The following AGO3 variants were observed in gnomAD, a reference collection of about 807,000 sequenced individuals.
The protein encoded by AGO3 is protein argonaute-3.
Under a neutral mutation model 105.5 loss-of-function variants are expected in AGO3, and 16 were observed. The ratio of observed to expected loss-of-function variants is 0.15; its 90% CI spans 0.10 to 0.23. AGO3 has a LOEUF of 0.23. AGO3 is among the 10% of genes least tolerant of loss of function. The pLI is 1.00. For missense variants in AGO3, 534 were observed against 1,088.0 expected (o/e 0.49, Z 7.16); for synonymous variants, 340 against 367.3 (o/e 0.93, Z 0.85).
In AGO3 at chr1:36,008,595, C is replaced by A; in HGVS notation, c.794-95C>A. The A allele has an allele frequency of 8.4e-7, 1 of 1,193,050 alleles. No homozygotes were observed. The highest frequency in any genetic ancestry group is 1.2e-6 in the Non-Finnish European group (1 of 842,106). 73.9% of individuals were successfully genotyped at this position (1,193,050 alleles called of 1,614,324 possible). A position where few individuals can be genotyped will look rare whatever the true frequency, so the allele number is the denominator to read the frequency against. On this transcript the variant is annotated intron_variant, in intron 6 of 18. Coordinates refer to ENST00000373191, the MANE Select transcript of AGO3 (RefSeq NM_024852.4). This position sits in a 1 kb window ranked among gnomAD's most constrained non-coding sequence, Gnocchi z 5.1. ...TGTATCACAGAATTTTTTGTCTGTT[C>A]AGAATTGAGTTTTTATGGTAATGAA...
intron 2 of AGO3, among the ~76,000 whole-genome samples, chr1:35,946,714 A>G (rs1646371604): frequency 6.6e-6 from 1 of 152,174 alleles, no homozygotes; most frequent in African/African-American, 2.4e-5. Context: ...TTGTCATCCT[A>G]ATTGTTAGTA....
chr1:35,947,745 T>C (rs531953586), intron 2 of AGO3, among the ~76,000 whole-genome samples: 2 of 152,322 alleles, frequency 1.3e-5, no homozygotes, highest in South Asian at 4.1e-4. Context: ...CTCTCTTTTA[T>C]GTCTTTCTGT....
At chr1:36,044,536 G>A (rs1380134121) in intron 17 of AGO3, among the ~76,000 whole-genome samples, 2 of 151,880 alleles carry the variant, frequency 1.3e-5, no homozygotes, top group Non-Finnish European at 2.9e-5. Flanking sequence ...TGACTCTCAT[G>A]CCTCAGCCTC....
rs1223025862 is a variant in AGO3, at chr1:36,013,751, G to A, written c.1271G>A (p.Arg424Gln). 3 of 1,613,304 alleles carry A rather than the reference G, an allele frequency of 1.9e-6. No individual in the cohort carries two copies. Among genetic ancestry groups the A allele is most frequent in the Non-Finnish European group, 2.5e-6 (3 of 1,179,574 alleles). The change falls in exon 10 of 19, where the codon CGG becomes CAG. Residue 424 changes from arginine to glutamine, a missense_variant and splice_region_variant. Coordinates refer to ENST00000373191, the MANE Select transcript of AGO3 (RefSeq NM_024852.4). ...GCACCTATGCTCCAGTATGGAGGAC[G>A]GGTAAAGTCTCTTGTTAATGTTTTA... ...LPAPMLQYGGRNRTVATPSHG... is the reference protein window; with the variant it reads ...LPAPMLQYGGQNRTVATPSHG...
At chr1:35,980,398 A>G (rs540820048) in intron 5 of AGO3, among the ~76,000 whole-genome samples, 5 of 152,308 alleles carry the variant, frequency 3.3e-5, no homozygotes, top group East Asian at 1.9e-4. Flanking sequence ...TTGAATTCCT[A>G]CATTCTTAGA....
At chr1:36,029,587 A>G (rs1307634415) in intron 12 of AGO3, among the ~76,000 whole-genome samples, 3 of 151,540 alleles carry the variant, frequency 2.0e-5, no homozygotes, top group Non-Finnish European at 4.4e-5. Context: ...TAGTAGAGAC[A>G]GGGTTTCACC....
chr1:35,991,696 T>C (rs557392057), intron 5 of AGO3, among the ~76,000 whole-genome samples: 1 of 152,186 alleles, frequency 6.6e-6, no homozygotes, highest in South Asian at 2.1e-4. Context: ...TATTGACGTT[T>C]AATTTACATA....
At chr1:35,986,354 A>C (rs1647177967) in intron 5 of AGO3, among the ~76,000 whole-genome samples, 1 of 152,244 alleles carries the variant, frequency 6.6e-6, no homozygotes, top group Admixed American at 6.5e-5. Context: ...ATAACAGTTA[A>C]ATAAATGAAC....
chr1:36,036,734 G>T (rs1460248571), intron 14 of AGO3, among the ~76,000 whole-genome samples: 1 of 151,376 alleles, frequency 6.6e-6, no homozygotes, highest in African/African-American at 2.4e-5. Context: ...TTATCTTGTT[G>T]CCCAGGCTAG....
rs1642917084 is a variant in AGO3 at position 36,056,354 on chromosome 1, A to G, written c.*609A>G. ...TTATTCTACCCCCACTACCGCCTTTATTTCTCTATTTCCCTTGCCTTCATC... is the reference window on the plus strand; with the variant it reads ...TTATTCTACCCCCACTACCGCCTTTGTTTCTCTATTTCCCTTGCCTTCATC... On this transcript the variant is annotated 3_prime_UTR_variant, in exon 19 of 19. Coordinates refer to ENST00000373191, the MANE Select transcript of AGO3 (RefSeq NM_024852.4). 2 of 151,908 alleles carry G rather than the reference A, an allele frequency of 1.3e-5. No individual in the cohort carries two copies. Among genetic ancestry groups the G allele is most frequent in the South Asian group, 4.1e-4 (2 of 4,820 alleles). 9.4% of individuals were successfully genotyped at this position (151,908 alleles called of 1,614,324 possible). A position where few individuals can be genotyped will look rare whatever the true frequency, so the allele number is the denominator to read the frequency against.
Position 35,972,102 on chromosome 1 carries a change from G to T in AGO3, c.391G>T (p.Val131Leu), listed in dbSNP as rs766091679. 8.2e-5 allele frequency: 132 copies of T among 1,614,074 alleles called. No homozygotes were observed. Among genetic ancestry groups the T allele is most frequent in the Non-Finnish European group, 1.1e-4 (131 of 1,180,018 alleles). The stretch of plus-strand genomic sequence containing the variant: ...GGTGTCAATCAAATTTGTCTCTCGG[G>T]TGAGTTGGCACCTACTGCATGAAGT... The part of the protein sequence containing the change: ...FKVSIKFVSR[V>L]SWHLLHEVLT... Residue 131 changes from valine to leucine, a missense_variant, in exon 4 of 19, where the codon GTG becomes TTG. This residue lies in a region of AGO3 where 161 missense variants were observed against 234.0 expected (regional missense o/e 0.69). Transcript: ENST00000373191.
At chr1:35,947,208 G>A (rs1257081940) in intron 2 of AGO3, among the ~76,000 whole-genome samples, 1 of 151,968 alleles carries the variant, frequency 6.6e-6, no homozygotes, top group Non-Finnish European at 1.5e-5. Context: ...TTAAGGGGAA[G>A]GTTCTTTGCA....
intron 5 of AGO3, among the ~76,000 whole-genome samples, chr1:36,000,249 G>T (rs1640023319): frequency 6.6e-6 from 1 of 152,040 alleles, no homozygotes; most frequent in Non-Finnish European, 1.5e-5. Context: ...TCATCCAAGG[G>T]ACAGAAAAGC....
At chr1:35,952,399 T>C (rs1646491060) in intron 2 of AGO3, among the ~76,000 whole-genome samples, 1 of 152,012 alleles carries the variant, frequency 6.6e-6, no homozygotes, top group African/African-American at 2.4e-5. Flanking sequence ...TACCTCGGCC[T>C]CCCAAAATGC....
intron 12 of AGO3, among the ~76,000 whole-genome samples, chr1:36,029,046 A>G (rs530106533): frequency 6.6e-6 from 1 of 152,290 alleles, no homozygotes; most frequent in African/African-American, 2.4e-5. Flanking sequence ...TGTATCAGTT[A>G]TACTTCCTTG....
intron 13 of AGO3, 145 bp from the exon 14 acceptor site, chr1:36,036,032 C>CA (rs11312730): frequency 0.014 from 4,745 of 349,340 alleles, 1 homozygote; most frequent in Admixed American, 0.015. Context: ...GACTCCGTCT[C>CA]AAAAAAAAAA....
intron 17 of AGO3, among the ~76,000 whole-genome samples, chr1:36,049,784 A>T (rs1642627245): frequency 6.6e-6 from 1 of 152,188 alleles, no homozygotes; most frequent in South Asian, 2.1e-4. Flanking sequence ...GACAAAACAG[A>T]CTTTAAGTCA....
intron 5 of AGO3, among the ~76,000 whole-genome samples, chr1:35,988,271 A>C (rs1647300462): frequency 1.3e-5 from 2 of 152,332 alleles, no homozygotes; most frequent in South Asian, 4.1e-4. Context: ...GGTAATGAAT[A>C]TAACAATCAC....
At position 36,067,808 on chromosome 1, in the gene AGO3, AGAGT is replaced by A. The variant is rs1239403593; in HGVS notation, c.*12067_*12070del. On this transcript the variant is annotated 3_prime_UTR_variant, in exon 19 of 19. Coordinates refer to ENST00000373191, the MANE Select transcript of AGO3 (RefSeq NM_024852.4). Reference sequence around the variant, plus strand: ...ACCATTGCACTCCAGCCTGGGTGGCAGAGTGAGACTCCGTCTCAAAAAAAAAAAA... The same window carrying A: ...ACCATTGCACTCCAGCCTGGGTGGCAGAGACTCCGTCTCAAAAAAAAAAAA... 3.3e-5 allele frequency: 5 copies of A among 151,840 alleles called. No homozygotes were observed. Among genetic ancestry groups the A allele is most frequent in the Non-Finnish European group, 4.4e-5 (3 of 67,976 alleles). The allele number at this position is 151,840 out of a possible 1,614,324, so 9.4% of individuals were successfully genotyped here.
Sources: allele counts gnomAD v4.1 joint callset (sites outside exome capture counted in the v4.1 genomes callset), GRCh38; gene constraint gnomAD v4.1.1; regional missense constraint gnomAD v4.1.1; non-coding constraint Gnocchi (gnomAD v3.1); transcripts MANE v1.5; gene names NCBI Gene and HGNC (gene_info 2026-07-23, HGNC 2026-07-21).